CFAP54: variants seen among roughly 807,000 people sequenced by gnomAD.
CFAP54 encodes cilia- and flagella-associated protein 54.
CFAP54 carries 290 observed loss-of-function variants against 370.4 expected under a neutral mutation model. That is an observed-to-expected ratio of 0.78 (90% CI 0.71 to 0.86). The LOEUF is 0.86. Among genes scored for constraint, CFAP54 ranks in the 40% least tolerant of loss-of-function variants. The pLI is 0.00. For synonymous variants in CFAP54, 1,206 were observed against 1,236.5 expected (o/e 0.98, Z 0.52); for missense variants, 3,399 against 3,528.7 (o/e 0.96, Z 0.93).
intron 60 of CFAP54, among the ~76,000 whole-genome samples, chr12:96,779,225 A>G (rs1958557590): frequency 6.6e-6 from 1 of 152,242 alleles, no homozygotes; most frequent in Middle Eastern, 3.4e-3. Context: ...GCGCCCCAGA[A>G]GTCTACATCA....
chr12:96,862,792 G>A (rs910766361), intron 67 of CFAP54, among the ~76,000 whole-genome samples: 1 of 152,154 alleles, frequency 6.6e-6, no homozygotes, highest in African/African-American at 2.4e-5. Context: ...TGAGTCCTTT[G>A]GTCTGAGGCT....
At chr12:96,641,209 A>G in intron 32 of CFAP54, among the ~76,000 whole-genome samples, 1 of 152,236 alleles carries the variant, frequency 6.6e-6, no homozygotes, top group Non-Finnish European at 1.5e-5. Flanking sequence ...AGAATCTACA[A>G]TGAACTCAAA....
intron 50 of CFAP54, among the ~76,000 whole-genome samples, chr12:96,734,415 A>T (rs1957957300): frequency 6.6e-6 from 1 of 152,170 alleles, no homozygotes; most frequent in African/African-American, 2.4e-5. Context: ...CTATATTCAT[A>T]GCCCCTAGAT....
intron 5 of CFAP54, among the ~76,000 whole-genome samples, chr12:96,517,831 C>T (rs568927333): frequency 3.9e-5 from 6 of 152,122 alleles, no homozygotes; most frequent in African/African-American, 1.2e-4. Flanking sequence ...AGTGCAGTTC[C>T]GTGAGGGATG....
intron 4 of CFAP54, among the ~76,000 whole-genome samples, chr12:96,510,955 T>C (rs1363537077): frequency 2.2e-5 from 3 of 137,910 alleles, no homozygotes; most frequent in African/African-American, 8.4e-5. Context: ...AGAGCGAGAC[T>C]CTTATCTCAA....
At chr12:96,812,631 C>T (rs747179249) in intron 64 of CFAP54, among the ~76,000 whole-genome samples, 1 of 152,174 alleles carries the variant, frequency 6.6e-6, no homozygotes, top group Non-Finnish European at 1.5e-5. Context: ...AAAAGCTTAA[C>T]CACTAACGCC....
intron 22 of CFAP54, among the ~76,000 whole-genome samples, chr12:96,587,177 T>C (rs1956082531): frequency 6.6e-6 from 1 of 151,782 alleles, no homozygotes; most frequent in African/African-American, 2.4e-5. Context: ...TGGAGAGAAT[T>C]GTTGAGTAGT....
rs1420649 is a variant in CFAP54, at chr12:96,753,725, G to A, written c.7685-18G>A. On this transcript the variant is annotated intron_variant, in intron 55 of 67. Transcript: ENST00000524981. ...GTGTATTTTTTTGTTCTTCCCCACC[G>A]AACTGTTTTTCTTTTAGGACATACA... 3.7e-6 allele frequency: 6 copies of A among 1,607,010 alleles called. No individual in the cohort carries two copies. The highest frequency in any genetic ancestry group is 2.2e-5 in the South Asian group (2 of 90,132).
intron 15 of CFAP54, among the ~76,000 whole-genome samples, chr12:96,550,338 A>G (rs1820416150): frequency 6.6e-6 from 1 of 152,196 alleles, no homozygotes; most frequent in Non-Finnish European, 1.5e-5. Flanking sequence ...GCACTTTGGA[A>G]GGCCGAGGTG....
chr12:96,732,111 TG>T (rs1957927997), intron 50 of CFAP54, among the ~76,000 whole-genome samples: 1 of 90,790 alleles, frequency 1.1e-5, no homozygotes, highest in African/African-American at 5.2e-5. Flanking sequence ...TGTGTGTGTT[TG>T]TGTGTGTGTG....
chr12:96,827,748 A>G (rs1959134813), intron 65 of CFAP54, among the ~76,000 whole-genome samples: 2 of 116,736 alleles, frequency 1.7e-5, no homozygotes, highest in Non-Finnish European at 3.3e-5. Flanking sequence ...ATTATATATA[A>G]TACATAGTAA....
chr12:96,744,954 G>A (rs952568935), intron 55 of CFAP54, among the ~76,000 whole-genome samples: 1 of 152,118 alleles, frequency 6.6e-6, no homozygotes, highest in African/African-American at 2.4e-5. Flanking sequence ...GTGGTGTTTG[G>A]TTTTCTGTTC....
At chr12:96,525,793 C>T (rs577560942) in intron 8 of CFAP54, among the ~76,000 whole-genome samples, 2 of 152,252 alleles carry the variant, frequency 1.3e-5, no homozygotes, top group Admixed American at 6.5e-5. Context: ...TGGGTTCAAG[C>T]GATTATTCTG....
intron 1 of CFAP54, among the ~76,000 whole-genome samples, chr12:96,500,477 T>C (rs1160242175): frequency 6.6e-6 from 1 of 152,160 alleles, no homozygotes; most frequent in African/African-American, 2.4e-5. Flanking sequence ...TGTAGGTTCA[T>C]CACAACAAAG....
chr12:96,813,560 A>AT (rs1203338881), intron 64 of CFAP54, among the ~76,000 whole-genome samples: 2 of 152,174 alleles, frequency 1.3e-5, no homozygotes, highest in East Asian at 1.9e-4. Context: ...AATTCTTTGC[A>AT]TTTTTTTACA....
chr12:96,799,548 T>G (rs1463107417), intron 63 of CFAP54, among the ~76,000 whole-genome samples: 2 of 152,172 alleles, frequency 1.3e-5, no homozygotes, highest in Non-Finnish European at 2.9e-5. Context: ...CTTTGGCCCC[T>G]TCATTCTGCT....
At chr12:96,784,226 T>A (rs1319074280) in intron 60 of CFAP54, among the ~76,000 whole-genome samples, 1 of 152,248 alleles carries the variant, frequency 6.6e-6, no homozygotes, top group Non-Finnish European at 1.5e-5. Context: ...ACAAATAATG[T>A]GTGAACATTC....
intron 24 of CFAP54, 132 bp downstream of exon 24, chr12:96,592,769 C>T (rs551880952): frequency 3.5e-5 from 12 of 339,644 alleles, no homozygotes; most frequent in South Asian, 1.1e-4. Context: ...TATGATTATG[C>T]GACTTTATGT....
intron 26 of CFAP54, among the ~76,000 whole-genome samples, chr12:96,602,400 T>G (rs533376050): frequency 6.6e-6 from 1 of 152,328 alleles, no homozygotes; most frequent in Non-Finnish European, 1.5e-5. Flanking sequence ...TTAGAATAAG[T>G]GCGATGTGGT....
Sources: gnomAD v4.1 joint callset for allele counts (sites outside exome capture counted in the v4.1 genomes callset) on GRCh38, gnomAD v4.1.1 for gene constraint, MANE v1.5 for transcripts, NCBI Gene and HGNC (gene_info 2026-07-23, HGNC 2026-07-21) for gene names.